Variants in SLC25A32 observed in about 807,000 individuals in gnomAD.
The protein encoded by SLC25A32 is Glycine auxotroph B, complementation of hamster.
A neutral mutation model predicts 39.0 loss-of-function variants in SLC25A32; 32 were observed. That is an observed-to-expected ratio of 0.82 (90% confidence interval 0.62 to 1.10). The LOEUF is 1.10. SLC25A32 is among the 50% of genes least tolerant of loss of function. SLC25A32 has a pLI of 0.00. For missense variants in SLC25A32, 367 were observed against 395.3 expected, an observed-to-expected ratio of 0.93 and a Z score of 0.61; for synonymous variants, 166 against 152.4, an observed-to-expected ratio of 1.09 and a Z score of -0.66.
Position 103,407,636 on chromosome 8 carries a change from GA to G in SLC25A32, c.302del (p.Phe101SerfsTer18). 1 of 1,550,214 alleles carries G rather than the reference GA, an allele frequency of 6.5e-7. No individual in the cohort carries two copies. Among genetic ancestry groups the G allele is most frequent in the Non-Finnish European group, 8.7e-7 (1 of 1,144,158 alleles). ...TAAAATCTCCCAAATCTACTCACAAGAAAAAGTAGAGTCCCCAGGATAAACC... is the reference window on the plus strand; with the variant it reads ...TAAAATCTCCCAAATCTACTCACAAGAAAAGTAGAGTCCCCAGGATAAACC... Reference protein sequence around the residue: ...GAGLSWGLYFFFYNAIKSYKT... With the variant: ...GAGLSWGLYFXFYNAIKSYKT... On this transcript the variant is annotated frameshift_variant, in exon 2 of 7. Coordinates refer to ENST00000297578, the MANE Select transcript of SLC25A32 (RefSeq NM_030780.5). LOFTEE classifies it high-confidence loss of function.
rs980773962 is a variant in SLC25A32 at position 103,399,521 on chromosome 8, T to A, written c.*890A>T. On this transcript the variant is annotated 3_prime_UTR_variant, in exon 7 of 7. Transcript: ENST00000297578. Reference sequence around the variant, plus strand: ...ATATTTCTCTGAGAAGTATATAGTTTCTCAATTTTCGCTAGGTAGTGCATC... The same window carrying A: ...ATATTTCTCTGAGAAGTATATAGTTACTCAATTTTCGCTAGGTAGTGCATC... 1.3e-5 allele frequency: 2 copies of A among 152,224 alleles called. No homozygotes were observed. Among genetic ancestry groups the A allele is most frequent in the African/African-American group, 4.8e-5 (2 of 41,444 alleles). 9.4% of individuals were successfully genotyped at this position (152,224 alleles called of 1,614,324 possible). A position where few individuals can be genotyped will look rare whatever the true frequency, so the allele number is the denominator to read the frequency against.
chr8:103,408,248 A>C (rs894362850), intron 1 of SLC25A32, among the ~76,000 whole-genome samples: 2 of 152,034 alleles, frequency 1.3e-5, no homozygotes, highest in African/African-American at 2.4e-5. Context: ...CGGCCTTCCA[A>C]AGTGCTGGGA....
At chr8:103,409,176 G>T (rs968029452) in intron 1 of SLC25A32, among the ~76,000 whole-genome samples, 1 of 152,158 alleles carries the variant, frequency 6.6e-6, no homozygotes, top group Non-Finnish European at 1.5e-5. Flanking sequence ...TATAAGTAGA[G>T]TATTAAGTAT....
At chr8:103,407,825 C>A in intron 1 of SLC25A32, 41 bp from the exon 2 acceptor site, 1 of 1,579,720 alleles carries the variant, frequency 6.3e-7, no homozygotes, top group South Asian at 1.1e-5. Context: ...GAACAAAGTT[C>A]TAGCTCTGTA....
intron 1 of SLC25A32, among the ~76,000 whole-genome samples, chr8:103,412,693 A>G (rs1816491485): frequency 6.6e-6 from 1 of 152,046 alleles, no homozygotes; most frequent in Admixed American, 6.6e-5. Context: ...TTCTCTCCCG[A>G]GCTAAACTAG....
intron 6 of SLC25A32, 75 bp from the exon 7 acceptor site, chr8:103,400,621 A>G: frequency 6.8e-7 from 1 of 1,474,086 alleles, no homozygotes; most frequent in Non-Finnish European, 9.4e-7. Flanking sequence ...TAACTGACAC[A>G]AGGCATGGAG....
chr8:103,406,512 A>T (rs1163931951), intron 2 of SLC25A32, among the ~76,000 whole-genome samples: 2 of 152,246 alleles, frequency 1.3e-5, no homozygotes, highest in Non-Finnish European at 2.9e-5. Context: ...TCACTAAATA[A>T]GCTGAATGTG....
chr8:103,406,154 AG>A (rs929050413), intron 2 of SLC25A32, among the ~76,000 whole-genome samples: 5 of 151,820 alleles, frequency 3.3e-5, no homozygotes, highest in Admixed American at 6.6e-5. Context: ...ATATATGTCA[AG>A]GGGGGTGTGT....
intron 3 of SLC25A32, among the ~76,000 whole-genome samples, chr8:103,404,232 C>T (rs557096624): frequency 6.6e-6 from 1 of 152,276 alleles, no homozygotes; most frequent in South Asian, 2.1e-4. Flanking sequence ...CTTTTCTAAA[C>T]TTTACCACTT....
chr8:103,404,754 T>C (rs1284192544), intron 3 of SLC25A32, 22 bp downstream of exon 3: 3 of 1,569,306 alleles, frequency 1.9e-6, no homozygotes, highest in Non-Finnish European at 8.7e-7. Flanking sequence ...GTGACATTTT[T>C]ATATTTCACA....
Position 103,415,071 on chromosome 8 carries a change from C to G in SLC25A32, c.-134G>C, listed in dbSNP as rs1216298206. On this transcript the variant is annotated 5_prime_UTR_variant, in exon 1 of 7. Transcript: ENST00000297578. Reference sequence around the variant, plus strand: ...CGGGACCAACGAGAGGACTCTTATGCCCAAGGCGCGTGAGCGAAGCCGGAG... The same window carrying G: ...CGGGACCAACGAGAGGACTCTTATGGCCAAGGCGCGTGAGCGAAGCCGGAG... 2 of 1,608,064 alleles carry G rather than the reference C, an allele frequency of 1.2e-6. No homozygotes were observed. The highest frequency in any genetic ancestry group is 2.2e-5 in the East Asian group (1 of 44,840).
intron 6 of SLC25A32, 123 bp downstream of exon 6, chr8:103,401,393 G>C: frequency 1.3e-6 from 1 of 783,316 alleles, no homozygotes; most frequent in South Asian, 2.3e-5. Context: ...GGAAAGCAGG[G>C]ACCACCAATC....
chr8:103,410,968 C>T (rs1816451837), intron 1 of SLC25A32, among the ~76,000 whole-genome samples: 1 of 152,138 alleles, frequency 6.6e-6, no homozygotes, highest in African/African-American at 2.4e-5. Context: ...AAATTAATCT[C>T]CCCCCTACCT....
At position 103,399,079 on chromosome 8, in the gene SLC25A32, T is replaced by G. The variant is rs1185248657; in HGVS notation, c.*1332A>C. 1 of 152,222 alleles carries G rather than the reference T, an allele frequency of 6.6e-6. No homozygotes were observed. The highest frequency in any genetic ancestry group is 1.9e-4 in the East Asian group (1 of 5,202). 9.4% of individuals were successfully genotyped at this position (152,222 alleles called of 1,614,324 possible). A position where few individuals can be genotyped will look rare whatever the true frequency, so the allele number is the denominator to read the frequency against. The stretch of plus-strand genomic sequence containing the variant: ...TGGCATCCTTTGGGTACAGGCCCTT[T>G]TATATTTATAGATGTCTACAATGAC... On this transcript the variant is annotated 3_prime_UTR_variant, in exon 7 of 7. Coordinates refer to ENST00000297578, the MANE Select transcript of SLC25A32 (RefSeq NM_030780.5).
chr8:103,404,510 G>A lies in SLC25A32; in HGVS notation c.391+266C>T, dbSNP rs544844401. Among the ~76,000 whole-genome samples, 221 of 152,020 alleles carry A rather than the reference G, an allele frequency of 1.5e-3. 4 individuals are homozygous for A. Among genetic ancestry groups the A allele is most frequent in the African/African-American group, 5.1e-3 (212 of 41,462 alleles). ...CTCAGGAGGCTGAGGCAGGATTATC[G>A]CTTGAAACCCGAAGGCAGAGGTTGC... On this transcript the variant is annotated intron_variant, in intron 3 of 6. Transcript: ENST00000297578.
Position 103,415,019 on chromosome 8 carries a change from C to T in SLC25A32, c.-82G>A. ...CAGTGGCCGCCACCGTGGCGACGGT[C>T]GCCCCTTGTGAGCGCAACCCCACCT... On this transcript the variant is annotated 5_prime_UTR_variant, in exon 1 of 7. Coordinates refer to ENST00000297578, the MANE Select transcript of SLC25A32 (RefSeq NM_030780.5). The T allele has an allele frequency of 6.3e-7, 1 of 1,590,300 alleles. No homozygotes were observed. Among genetic ancestry groups the T allele is most frequent in the Non-Finnish European group, 8.6e-7 (1 of 1,168,214 alleles).
intron 1 of SLC25A32, among the ~76,000 whole-genome samples, chr8:103,410,868 T>C (rs1206038285): frequency 6.6e-6 from 1 of 152,194 alleles, no homozygotes; most frequent in African/African-American, 2.4e-5. Flanking sequence ...AATTATCATC[T>C]AGCACTATCA....
At chr8:103,411,980 G>C (rs1322984469) in intron 1 of SLC25A32, among the ~76,000 whole-genome samples, 2 of 152,188 alleles carry the variant, frequency 1.3e-5, no homozygotes. Flanking sequence ...GACTTTCTGA[G>C]CTTGAATCCC....
In SLC25A32 at chr8:103,402,017, G is replaced by A; in HGVS notation, c.590C>T (p.Ala197Val). Residue 197 changes from alanine to valine, a missense_variant, in exon 5 of 7, where the codon GCC becomes GTC. Ala to Val is a moderately conservative substitution (Grantham distance 64). Coordinates refer to ENST00000297578, the MANE Select transcript of SLC25A32 (RefSeq NM_030780.5). The part of the protein sequence containing the change: ...VPGLFGTSHG[A>V]LQFMAYELLK... ...CAATTCATATGCCATAAACTGAAGG[G>A]CACCATGCGATGTTCCAAACAGCCC... 6.2e-7 allele frequency: 1 copy of A among 1,612,890 alleles called. No individual in the cohort carries two copies. The highest frequency in any genetic ancestry group is 1.3e-5 in the African/African-American group (1 of 74,990).
Sources: allele counts gnomAD v4.1 joint callset (sites outside exome capture counted in the v4.1 genomes callset), GRCh38; gene constraint gnomAD v4.1.1; transcripts MANE v1.5; gene names NCBI Gene and HGNC (gene_info 2026-07-23, HGNC 2026-07-21).